Variants in LRRC49 observed in about 807,000 individuals in gnomAD.
LRRC49 encodes the protein leucine-rich repeat-containing protein 49.
A neutral mutation model predicts 83.3 loss-of-function variants in LRRC49; 50 were observed. The ratio of observed to expected loss-of-function variants is 0.60; its 90% CI spans 0.48 to 0.76. LRRC49 has a LOEUF of 0.76. Ranked by LOEUF, LRRC49 falls within the 30% of genes least tolerant of loss-of-function variation. The probability of loss-of-function intolerance (pLI) is 0.00; values close to 1 mark genes in which losing one functional copy is unlikely to be tolerated. For missense variants in LRRC49, 704 were observed against 809.1 expected (o/e 0.87, Z 1.58); for synonymous variants, 286 against 283.3 (o/e 1.01, Z -0.10).
intron 8 of LRRC49, among the ~76,000 whole-genome samples, chr15:70,956,437 A>G (rs901467999): frequency 2.0e-5 from 3 of 151,968 alleles, no homozygotes; most frequent in African/African-American, 7.2e-5. Flanking sequence ...CCTTTGGACC[A>G]AAGCTTTTTC....
chr15:70,922,026 C>T (rs1202295442), intron 7 of LRRC49, among the ~76,000 whole-genome samples: 1 of 152,058 alleles, frequency 6.6e-6, no homozygotes, highest in African/African-American at 2.4e-5. Flanking sequence ...CAGGCAATAA[C>T]AAATGCTGGC....
At chr15:70,929,421 TA>T (rs1389883654) in intron 7 of LRRC49, among the ~76,000 whole-genome samples, 3 of 152,200 alleles carry the variant, frequency 2.0e-5, no homozygotes, top group African/African-American at 7.2e-5. Flanking sequence ...ACTTTAGTAA[TA>T]AAAAATGCTA....
intron 8 of LRRC49, among the ~76,000 whole-genome samples, chr15:70,939,977 C>G (rs1415449869): frequency 6.7e-6 from 1 of 150,194 alleles, no homozygotes; most frequent in Non-Finnish European, 1.5e-5. Context: ...TGTGACTTTT[C>G]CTTCATCACT....
At chr15:71,042,148 G>C (rs2039715148) in intron 15 of LRRC49, among the ~76,000 whole-genome samples, 1 of 152,170 alleles carries the variant, frequency 6.6e-6, no homozygotes, top group Non-Finnish European at 1.5e-5. Context: ...AAATTGGACA[G>C]TCATTCAAGG....
chr15:70,932,751 A>ATT, intron 7 of LRRC49, among the ~76,000 whole-genome samples: 1 of 94,352 alleles, frequency 1.1e-5, no homozygotes, highest in Non-Finnish European at 2.0e-5. Flanking sequence ...TTTTTTTGAG[A>ATT]TGGAGTCTTG....
At chr15:70,933,639 A>G (rs1217753366) in intron 7 of LRRC49, among the ~76,000 whole-genome samples, 1 of 152,204 alleles carries the variant, frequency 6.6e-6, no homozygotes, top group Non-Finnish European at 1.5e-5. Context: ...CAAAGGAGAA[A>G]TTACTACTGG....
intron 2 of LRRC49, chr15:70,895,568 G>T (rs2141099936): frequency 4.0e-6 from 1 of 247,408 alleles, no homozygotes; most frequent in African/African-American, 2.3e-5. Context: ...TCTAGTTCCA[G>T]AATTTTTTCA....
intron 6 of LRRC49, among the ~76,000 whole-genome samples, chr15:70,915,347 C>G (rs1242426582): frequency 2.6e-5 from 4 of 152,104 alleles, no homozygotes; most frequent in Non-Finnish European, 5.9e-5. Context: ...CCACCAGGAC[C>G]ATGTGGAAGG....
chr15:70,963,042 G>A (rs2036661627), intron 8 of LRRC49, among the ~76,000 whole-genome samples: 2 of 152,038 alleles, frequency 1.3e-5, no homozygotes, highest in African/African-American at 4.8e-5. Context: ...CAAGGTGGGA[G>A]GATCGCTTAA....
chr15:70,973,280 C>T (rs1441251110), intron 9 of LRRC49, among the ~76,000 whole-genome samples: 1 of 152,194 alleles, frequency 6.6e-6, no homozygotes, highest in Non-Finnish European at 1.5e-5. Flanking sequence ...GTCCACTCCA[C>T]ACCCTGTTTG....
intron 6 of LRRC49, among the ~76,000 whole-genome samples, chr15:70,914,062 A>T (rs529988086): frequency 3.3e-5 from 5 of 151,782 alleles, no homozygotes; most frequent in African/African-American, 1.2e-4. Context: ...TTCCAGTTAT[A>T]GAACCTTGAG....
At chr15:70,896,073 A>AT (rs2033824012) in intron 3 of LRRC49, 137 bp downstream of exon 3, 9 of 586,684 alleles carry the variant, frequency 1.5e-5, no homozygotes, top group East Asian at 1.5e-4. Context: ...TTGGTTTGGT[A>AT]TTTTTTTAAA....
At chr15:71,037,377 C>T (rs1348786011) in intron 15 of LRRC49, 45 bp downstream of exon 15, 1 of 1,479,482 alleles carries the variant, frequency 6.8e-7, no homozygotes, top group Non-Finnish European at 9.1e-7. Context: ...AGGATATATC[C>T]CACATGGCTT....
chr15:71,008,180 C>A (rs372552888), intron 11 of LRRC49, among the ~76,000 whole-genome samples, 199 bp from the exon 12 acceptor site: 10 of 151,668 alleles, frequency 6.6e-5, no homozygotes, highest in African/African-American at 2.4e-4. Flanking sequence ...TCATAACATG[C>A]CTCTTAAATT....
intron 1 of LRRC49, among the ~76,000 whole-genome samples, chr15:70,865,839 C>T (rs527790553): frequency 6.6e-6 from 1 of 152,092 alleles, no homozygotes; most frequent in Non-Finnish European, 1.5e-5. Flanking sequence ...ACCCTAGAGG[C>T]AAGGAGGTAT....
At chr15:70,958,855 G>A (rs1176465298) in intron 8 of LRRC49, among the ~76,000 whole-genome samples, 2 of 152,140 alleles carry the variant, frequency 1.3e-5, no homozygotes, top group African/African-American at 4.8e-5. Context: ...TTTTTACCTT[G>A]AGTGTGAGGA....
At chr15:70,909,565 G>A (rs993364442) in intron 5 of LRRC49, among the ~76,000 whole-genome samples, 1 of 152,162 alleles carries the variant, frequency 6.6e-6, no homozygotes, top group African/African-American at 2.4e-5. Context: ...CCTGGGCTGG[G>A]CGCGGTGGCT....
chr15:70,997,500 T>A (rs1596119247), intron 11 of LRRC49, among the ~76,000 whole-genome samples: 1 of 152,078 alleles, frequency 6.6e-6, no homozygotes, highest in Admixed American at 6.5e-5. Flanking sequence ...CCTGTAATCC[T>A]AGCACTTTGG....
intron 14 of LRRC49, among the ~76,000 whole-genome samples, chr15:71,031,484 C>G (rs1356216258): frequency 1.3e-5 from 2 of 152,182 alleles, no homozygotes; most frequent in African/African-American, 2.4e-5. Flanking sequence ...CAGGGATCCA[C>G]TTGAGGAGGC....
Sources: gnomAD v4.1 joint callset for allele counts (sites outside exome capture counted in the v4.1 genomes callset) on GRCh38, gnomAD v4.1.1 for gene constraint, MANE v1.5 for transcripts, NCBI Gene and HGNC (gene_info 2026-07-23, HGNC 2026-07-21) for gene names.